Variants in MTCL2 observed in about 807,000 individuals in gnomAD.
The protein encoded by MTCL2 is microtubule crosslinking factor 2, also known as microtubule cross-linking factor 2.
At chr20:36,796,591 A>G in the MTCL2 span, among the ~76,000 whole-genome samples, 1 of 152,138 alleles carries the variant, frequency 6.6e-6, no homozygotes, top group Non-Finnish European at 1.5e-5. Context: ...GAGGAGCAAA[A>G]TGTTTTGTTT....
chr20:36,849,672 T>C, the MTCL2 span, among the ~76,000 whole-genome samples: 5 of 152,176 alleles, frequency 3.3e-5, no homozygotes, highest in Non-Finnish European at 7.3e-5. Context: ...AATCACACTT[T>C]AAGTGTTCTA....
the MTCL2 span, among the ~76,000 whole-genome samples, chr20:36,805,643 G>A: frequency 1.3e-5 from 2 of 152,156 alleles, no homozygotes; most frequent in Admixed American, 6.5e-5. Flanking sequence ...CCGTGATATT[G>A]TCCCCTATAC....
At chr20:36,794,656 C>T in the MTCL2 span, 2 of 1,609,738 alleles carry the variant, frequency 1.2e-6, no homozygotes, top group African/African-American at 1.3e-5. The surrounding 1 kb of genome is among the most constrained non-coding windows in gnomAD (Gnocchi z 5.4). Context: ...TGAGGGCACA[C>T]TCTGGTCTAC....
the MTCL2 span, among the ~76,000 whole-genome samples, chr20:36,834,870 C>T: frequency 1.3e-5 from 2 of 151,776 alleles, no homozygotes; most frequent in Admixed American, 6.6e-5. Flanking sequence ...GACATGGTGG[C>T]GCATGCCTGT....
the MTCL2 span, among the ~76,000 whole-genome samples, chr20:36,856,246 A>T: frequency 5.9e-5 from 9 of 152,164 alleles, no homozygotes; most frequent in African/African-American, 2.2e-4. Context: ...GCACAGAGAC[A>T]GCCACTTGAG....
chr20:36,839,459 A>C, the MTCL2 span: 1 of 1,610,128 alleles, frequency 6.2e-7, no homozygotes, highest in South Asian at 1.1e-5. This position sits in a 1 kb window ranked among gnomAD's most constrained non-coding sequence, Gnocchi z 5.1. Context: ...GGGAAGGAAG[A>C]GTCAGGTCAC....
At chr20:36,804,961 G>C in the MTCL2 span, 1 of 1,578,716 alleles carries the variant, frequency 6.3e-7, no homozygotes, top group Non-Finnish European at 8.7e-7. Flanking sequence ...AGGGGAACCT[G>C]GGTTCAGAGA....
the MTCL2 span, among the ~76,000 whole-genome samples, chr20:36,799,789 A>G: frequency 6.6e-6 from 1 of 152,246 alleles, no homozygotes; most frequent in South Asian, 2.1e-4. Flanking sequence ...AGAGATGAAG[A>G]CCATAGAATC....
At chr20:36,795,767 C>T in the MTCL2 span, among the ~76,000 whole-genome samples, 1 of 151,842 alleles carries the variant, frequency 6.6e-6, no homozygotes, top group Non-Finnish European at 1.5e-5. Flanking sequence ...CAGAGCAAAA[C>T]TCTGCCTCAA....
chr20:36,796,909 A>G, the MTCL2 span: 1 of 1,613,996 alleles, frequency 6.2e-7, no homozygotes, highest in Non-Finnish European at 8.5e-7. Flanking sequence ...TCCAAGCTCA[A>G]CTTCGGAAAC....
chr20:36,861,445 G>A, the MTCL2 span, among the ~76,000 whole-genome samples: 2 of 152,194 alleles, frequency 1.3e-5, no homozygotes, highest in East Asian at 3.8e-4. Flanking sequence ...TCAGGCTGGA[G>A]AGCAGATCCC....
At chr20:36,825,495 C>G in the MTCL2 span, among the ~76,000 whole-genome samples, 1 of 152,180 alleles carries the variant, frequency 6.6e-6, no homozygotes, top group African/African-American at 2.4e-5. Context: ...GCCTAAAACA[C>G]AAGGAGGGGT....
At chr20:36,795,343 G>C in the MTCL2 span, among the ~76,000 whole-genome samples, 2 of 152,178 alleles carry the variant, frequency 1.3e-5, no homozygotes, top group Admixed American at 6.5e-5. Context: ...TCCTGCCTCT[G>C]CCTCTCAAAA....
the MTCL2 span, among the ~76,000 whole-genome samples, chr20:36,799,713 A>G: frequency 6.6e-6 from 1 of 151,840 alleles, no homozygotes; most frequent in Non-Finnish European, 1.5e-5. Flanking sequence ...CGAAGAAAGA[A>G]GAAGGGAGGG....
At chr20:36,795,775 CA>C in the MTCL2 span, among the ~76,000 whole-genome samples, 55 of 139,986 alleles carry the variant, frequency 3.9e-4, no homozygotes, top group African/African-American at 1.3e-3. Flanking sequence ...AACTCTGCCT[CA>C]AAAAAAAAAC....
chr20:36,796,795 G>T, the MTCL2 span: 2 of 1,323,246 alleles, frequency 1.5e-6, no homozygotes, highest in Non-Finnish European at 1.1e-6. Context: ...AGCAGGTAGA[G>T]TGGGTGCAGG....
chr20:36,789,265 A>T, the MTCL2 span, among the ~76,000 whole-genome samples: 3 of 152,180 alleles, frequency 2.0e-5, no homozygotes, highest in South Asian at 6.2e-4. Context: ...TATGGAAGTG[A>T]TGGTTAATTT....
At chr20:36,837,547 C>T in the MTCL2 span, among the ~76,000 whole-genome samples, 1,206 of 125,288 alleles carry the variant, frequency 9.6e-3, 10 homozygotes, top group Middle Eastern at 0.021. Context: ...ATTTTACCCA[C>T]ATTATTATTA....
chr20:36,812,906 G>A, the MTCL2 span: 4 of 1,553,208 alleles, frequency 2.6e-6, no homozygotes, highest in East Asian at 4.7e-5. Flanking sequence ...CCCGAGGGGT[G>A]CCAGAAACAC....
Sources: allele counts gnomAD v4.1 joint callset (sites outside exome capture counted in the v4.1 genomes callset), GRCh38; gene constraint gnomAD v4.1.1; non-coding constraint Gnocchi (gnomAD v3.1); transcripts MANE v1.5; gene names NCBI Gene and HGNC (gene_info 2026-07-23, HGNC 2026-07-21).